The following RAB27B variants were observed in gnomAD, a reference collection of about 807,000 sequenced individuals.
The protein encoded by RAB27B is RAB27B, member RAS oncogene family, also known as ras-related protein Rab-27B.
In RAB27B, 15 loss-of-function variants were observed where a neutral mutation model predicts 24.6. The ratio of observed to expected loss-of-function variants is 0.61; its 90% confidence interval spans 0.41 to 0.94. The LOEUF is 0.94. Ranked by LOEUF, RAB27B falls within the 40% of genes least tolerant of loss-of-function variation. The pLI is 0.00. For synonymous variants in RAB27B, 105 were observed against 92.5 expected, an observed-to-expected ratio of 1.14 and a Z score of -0.78; for missense variants, 261 against 266.8, an observed-to-expected ratio of 0.98 and a Z score of 0.15.
intron 2 of RAB27B, among the ~76,000 whole-genome samples, chr18:54,724,303 T>C (rs1435466695): frequency 6.6e-6 from 1 of 151,606 alleles, no homozygotes; most frequent in Non-Finnish European, 1.5e-5. Context: ...AAACTCAATG[T>C]GAGTGGACAA....
intron 1 of RAB27B, among the ~76,000 whole-genome samples, chr18:54,870,024 T>A (rs1169779971): frequency 6.6e-6 from 1 of 152,102 alleles, no homozygotes; most frequent in Non-Finnish European, 1.5e-5. Flanking sequence ...TACATAGAAT[T>A]TTTTTCTAAC....
chr18:54,850,305 G>A (rs139434572), intron 1 of RAB27B, among the ~76,000 whole-genome samples: 39 of 117,106 alleles, frequency 3.3e-4, no homozygotes, highest in Middle Eastern at 5.1e-3. Flanking sequence ...AAGTATACCT[G>A]TATATTTATT....
rs1013398355 is a variant in RAB27B, at chr18:54,776,883, A to T, written c.-20+58742A>T. Reference sequence around the variant, plus strand: ...AACACGGCGAAACACCGTCTCTACTAAAAATACAAAAATTAGCTGGGTGTG... The same window carrying T: ...AACACGGCGAAACACCGTCTCTACTTAAAATACAAAAATTAGCTGGGTGTG... On this transcript the variant is annotated intron_variant, in intron 2 of 4. Coordinates refer to the RAB27B transcript ENST00000586570. 2.0e-5 allele frequency among the ~76,000 whole-genome samples: 3 copies of T among 152,236 alleles called. No individual in the cohort carries two copies. The South Asian group carries it at 6.2e-4, about 32-fold the overall frequency.
At chr18:54,718,397 A>G (rs1909256790) in intron 2 of RAB27B, among the ~76,000 whole-genome samples, 1 of 152,044 alleles carries the variant, frequency 6.6e-6, no homozygotes, top group African/African-American at 2.4e-5. Flanking sequence ...TGGGAAAGAG[A>G]TTTTGCTCAG....
chr18:54,781,580 G>A (rs781067727), intron 2 of RAB27B, among the ~76,000 whole-genome samples: 12 of 151,988 alleles, frequency 7.9e-5, no homozygotes, highest in Non-Finnish European at 1.6e-4. Flanking sequence ...CTTTCAATTT[G>A]TGATACTAGA....
At chr18:54,838,000 C>A (rs1474529175) in intron 1 of RAB27B, among the ~76,000 whole-genome samples, 1 of 152,068 alleles carries the variant, frequency 6.6e-6, no homozygotes, top group Non-Finnish European at 1.5e-5. Context: ...GGGAACCCAA[C>A]AGAAAGTGAT....
At chr18:54,804,341 C>G (rs1404117513) in intron 2 of RAB27B, among the ~76,000 whole-genome samples, 2 of 152,078 alleles carry the variant, frequency 1.3e-5, no homozygotes, top group African/African-American at 4.8e-5. Context: ...ATCATGGGGA[C>G]CAATCTTTCC....
chr18:54,720,635 T>C (rs1821145224), intron 2 of RAB27B, among the ~76,000 whole-genome samples: 1 of 152,112 alleles, frequency 6.6e-6, no homozygotes, highest in Admixed American at 6.5e-5. Context: ...TGCAGTTTGC[T>C]TTTTCAAATT....
At chr18:54,838,339 CTCT>C (rs1218505297) in intron 1 of RAB27B, among the ~76,000 whole-genome samples, 2 of 152,064 alleles carry the variant, frequency 1.3e-5, no homozygotes, top group South Asian at 2.1e-4. Context: ...GTTACCTTGT[CTCT>C]TCTTCTGCCT....
chr18:54,735,092 C>A (rs1909848767), intron 2 of RAB27B, among the ~76,000 whole-genome samples: 2 of 152,082 alleles, frequency 1.3e-5, no homozygotes, highest in African/African-American at 4.8e-5. Context: ...CAATATCTAC[C>A]ATAAATCTTT....
rs9966265 is a variant in RAB27B at position 54,884,367 on chromosome 18, G to T, written c.274G>T (p.Ala92Ser). Residue 92 changes from alanine to serine, a missense_variant, in exon 4 of 6, where the codon GCC becomes TCC. Transcript: ENST00000262094. ...TCTCACCACTGCATTTTTCAGAGACGCCATGGGCTTCTTATTAATGTTTGA... is the reference window on the plus strand; with the variant it reads ...TCTCACCACTGCATTTTTCAGAGACTCCATGGGCTTCTTATTAATGTTTGA... ...RSLTTAFFRD[A>S]MGFLLMFDLT... is the part of the protein sequence containing the mutation. 1 of 1,612,702 alleles carries T rather than the reference G, an allele frequency of 6.2e-7. No individual in the cohort carries two copies. Among genetic ancestry groups the T allele is most frequent in the South Asian group, 1.1e-5 (1 of 91,010 alleles).
At chr18:54,851,678 T>C (rs1391800665) in intron 1 of RAB27B, among the ~76,000 whole-genome samples, 1 of 151,968 alleles carries the variant, frequency 6.6e-6, no homozygotes, top group Non-Finnish European at 1.5e-5. Context: ...GTTTGTCTGC[T>C]TTTTTTTCTT....
intron 2 of RAB27B, among the ~76,000 whole-genome samples, chr18:54,806,690 C>T (rs1050309398): frequency 1.3e-5 from 2 of 151,224 alleles, no homozygotes. Flanking sequence ...ATGTTAGTTA[C>T]TATCAAGCTG....
At chr18:54,836,140 A>C (rs1316846242) in intron 1 of RAB27B, among the ~76,000 whole-genome samples, 1 of 152,008 alleles carries the variant, frequency 6.6e-6, no homozygotes, top group Non-Finnish European at 1.5e-5. Context: ...CTTGCTGGGC[A>C]TCTGTTTCCT....
chr18:54,740,633 G>A (rs1598870624), intron 2 of RAB27B, among the ~76,000 whole-genome samples: 1 of 152,164 alleles, frequency 6.6e-6, no homozygotes, highest in East Asian at 1.9e-4. Flanking sequence ...AAGTGGTCCT[G>A]TTGGCACAGT....
At chr18:54,773,861 A>G (rs549204392) in intron 2 of RAB27B, among the ~76,000 whole-genome samples, 98 of 151,916 alleles carry the variant, frequency 6.5e-4, no homozygotes, top group Non-Finnish European at 1.1e-3. Flanking sequence ...TTTAGTAGAG[A>G]TGGGGTTTCA....
At chr18:54,805,494 A>G (rs145072847) in intron 2 of RAB27B, among the ~76,000 whole-genome samples, 2 of 152,340 alleles carry the variant, frequency 1.3e-5, no homozygotes, top group East Asian at 1.9e-4. Flanking sequence ...AAAGCACAAA[A>G]ACAATGTTCA....
chr18:54,730,092 A>G (rs949636453), intron 2 of RAB27B, among the ~76,000 whole-genome samples: 6 of 152,194 alleles, frequency 3.9e-5, no homozygotes, highest in Non-Finnish European at 8.8e-5. Context: ...ATCTCAAAAA[A>G]CAAATTTATA....
intron 2 of RAB27B, among the ~76,000 whole-genome samples, chr18:54,751,593 T>C (rs1293910035): frequency 1.3e-5 from 2 of 152,106 alleles, no homozygotes; most frequent in Non-Finnish European, 2.9e-5. Flanking sequence ...TAGGAAGTCA[T>C]TGGAATGTAG....
Sources: allele counts gnomAD v4.1 joint callset (sites outside exome capture counted in the v4.1 genomes callset), GRCh38; gene constraint gnomAD v4.1.1; transcripts MANE v1.5; gene names NCBI Gene and HGNC (gene_info 2026-07-23, HGNC 2026-07-21).